The following PPARGC1A variants were observed in gnomAD, a reference collection of about 807,000 sequenced individuals.
PPARGC1A encodes PPARG coactivator 1 alpha, also known as peroxisome proliferator-activated receptor gamma coactivator 1-alpha.
Under a neutral mutation model 88.7 loss-of-function variants are expected in PPARGC1A, and 25 were observed. That is an observed-to-expected ratio of 0.28 (90% CI 0.21 to 0.39). The LOEUF (loss-of-function observed/expected upper bound fraction) is 0.39. PPARGC1A is among the 10% of genes least tolerant of loss of function. The probability of loss-of-function intolerance (pLI) is 1.00; values close to 1 mark genes in which losing one functional copy is unlikely to be tolerated. For missense variants in PPARGC1A, 880 were observed against 968.7 expected, an observed-to-expected ratio of 0.91 and a Z score of 1.22; for synonymous variants, 363 against 355.6, an observed-to-expected ratio of 1.02 and a Z score of -0.24.
chr4:24,233,205 TCCA>T, the PPARGC1A span, among the ~76,000 whole-genome samples: 1 of 152,260 alleles, frequency 6.6e-6, no homozygotes, highest in Non-Finnish European at 1.5e-5. Flanking sequence ...GAGAATTTCC[TCCA>T]CAATTTAAAA....
the PPARGC1A span, among the ~76,000 whole-genome samples, chr4:23,918,218 C>CTT: frequency 1.3e-4 from 20 of 150,048 alleles, no homozygotes; most frequent in East Asian, 3.9e-4. Flanking sequence ...AATTTAAATT[C>CTT]TTTTTTTTTT....
the PPARGC1A span, among the ~76,000 whole-genome samples, chr4:24,067,550 G>A: frequency 8.5e-5 from 13 of 152,180 alleles, no homozygotes; most frequent in Non-Finnish European, 1.8e-4. Context: ...CGCAGATCTG[G>A]AATCACTAAA....
the PPARGC1A span, among the ~76,000 whole-genome samples, chr4:24,034,113 G>A: frequency 6.6e-6 from 1 of 152,244 alleles, no homozygotes; most frequent in South Asian, 2.1e-4. Context: ...CCTAAACAAA[G>A]AAGCCTCATT....
chr4:23,887,752 A>G lies in PPARGC1A; in HGVS notation c.54+2152T>C, dbSNP rs527452278. On this transcript the variant is annotated intron_variant, in intron 1 of 12. Transcript: ENST00000264867. ...TTTGTGCCATTGATGGTAAATTTTAAAGAGAGAGAGAGAAGAAGGAGTGGA... is the reference window on the plus strand; with the variant it reads ...TTTGTGCCATTGATGGTAAATTTTAGAGAGAGAGAGAGAAGAAGGAGTGGA... Among the ~76,000 whole-genome samples the G allele has an allele frequency of 2.0e-5, 3 of 152,140 alleles. No individual in the cohort carries two copies. In the East Asian group the frequency reaches 5.8e-4, roughly 29 times the overall value.
the PPARGC1A span, among the ~76,000 whole-genome samples, chr4:24,275,817 G>A: frequency 6.6e-6 from 1 of 152,148 alleles, no homozygotes; most frequent in Non-Finnish European, 1.5e-5. Flanking sequence ...TTATAAGCAT[G>A]CACTGCCAAT....
the PPARGC1A span, among the ~76,000 whole-genome samples, chr4:24,378,076 C>A: frequency 6.6e-6 from 1 of 152,188 alleles, no homozygotes; most frequent in Non-Finnish European, 1.5e-5. Context: ...GTGGCTCACA[C>A]CTGTAATACC....
chr4:24,023,494 A>G, the PPARGC1A span, among the ~76,000 whole-genome samples: 1 of 152,104 alleles, frequency 6.6e-6, no homozygotes, highest in African/African-American at 2.4e-5. Context: ...TGTTCAGGAC[A>G]CTCCTGTCTG....
the PPARGC1A span, among the ~76,000 whole-genome samples, chr4:23,929,229 T>C: frequency 3.2e-4 from 48 of 152,272 alleles, no homozygotes; most frequent in East Asian, 4.4e-3. Context: ...GGGAGGTACA[T>C]AGAACACCAG....
At chr4:24,194,689 A>T in the PPARGC1A span, among the ~76,000 whole-genome samples, 9 of 151,074 alleles carry the variant, frequency 6.0e-5, no homozygotes, top group Non-Finnish European at 1.3e-4. Flanking sequence ...GAAGTTACTC[A>T]ATTTGCCTCT....
chr4:23,913,265 TATAGAGAGAGAGAGAG>T, the PPARGC1A span, among the ~76,000 whole-genome samples: 136 of 58,762 alleles, frequency 2.3e-3, no homozygotes, highest in African/African-American at 0.011. Context: ...TATATATATA[TATAGAGAGAGAGAGAG>T]AGAGAGAGAG....
the PPARGC1A span, among the ~76,000 whole-genome samples, chr4:24,184,351 T>G: frequency 6.6e-6 from 1 of 152,234 alleles, no homozygotes; most frequent in Non-Finnish European, 1.5e-5. Flanking sequence ...AGCATTAAAC[T>G]AATTTTCTTT....
the PPARGC1A span, among the ~76,000 whole-genome samples, chr4:24,225,461 C>T: frequency 2.0e-5 from 3 of 151,118 alleles, no homozygotes; most frequent in East Asian, 5.9e-4. Flanking sequence ...CCCAGCTACT[C>T]GGGAGGCTGA....
At chr4:24,066,092 T>C in the PPARGC1A span, among the ~76,000 whole-genome samples, 2 of 151,920 alleles carry the variant, frequency 1.3e-5, no homozygotes, top group Admixed American at 6.6e-5. Context: ...TCTCCTTGGG[T>C]GCCTTCAGTC....
At chr4:24,097,030 G>A in the PPARGC1A span, among the ~76,000 whole-genome samples, 1 of 152,110 alleles carries the variant, frequency 6.6e-6, no homozygotes, top group Non-Finnish European at 1.5e-5. Flanking sequence ...AGAATTTGAG[G>A]TCACAGTAAG....
At chr4:24,258,111 G>T in the PPARGC1A span, 1 of 556,592 alleles carries the variant, frequency 1.8e-6, no homozygotes, top group Non-Finnish European at 2.3e-6. Flanking sequence ...GAAACTTGGT[G>T]TTACAGATTT....
In PPARGC1A at chr4:23,814,415, T is replaced by G. The variant is rs1167310711; in HGVS notation, c.1068A>C (p.Ala356=). 2 of 1,613,916 alleles carry G rather than the reference T, an allele frequency of 1.2e-6. No homozygotes were observed. Among genetic ancestry groups the G allele is most frequent in the Admixed American group, 3.3e-5 (2 of 59,990 alleles). ...KKGPEQSELY[A]QLSKSSVLTG... Reference sequence around the variant, plus strand: ...TGAGGACTGAGGACTTGCTGAGTTGTGCATACAACTCGGATTGCTCCGGCC... The same window carrying G: ...TGAGGACTGAGGACTTGCTGAGTTGGGCATACAACTCGGATTGCTCCGGCC... Residue 356 remains alanine (A), a synonymous_variant, in exon 8 of 13, where the codon GCA becomes GCC. Transcript: ENST00000264867.
At chr4:24,300,419 C>T in the PPARGC1A span, among the ~76,000 whole-genome samples, 8 of 124,142 alleles carry the variant, frequency 6.4e-5, no homozygotes, top group Non-Finnish European at 9.5e-5. Context: ...TATATGTGCC[C>T]GGAAGATGAA....
At chr4:23,820,610 C>T (rs1037851514) in intron 7 of PPARGC1A, 1 of 435,120 alleles carries the variant, frequency 2.3e-6, no homozygotes, top group African/African-American at 2.0e-5. Flanking sequence ...TTACTAACAG[C>T]TATTTTGAAA....
At chr4:24,168,725 C>A in the PPARGC1A span, among the ~76,000 whole-genome samples, 1 of 151,968 alleles carries the variant, frequency 6.6e-6, no homozygotes, top group Non-Finnish European at 1.5e-5. Context: ...TCCCAATGGC[C>A]AAAGCCAGAA....
Sources: gnomAD v4.1 joint callset for allele counts (sites outside exome capture counted in the v4.1 genomes callset) on GRCh38, gnomAD v4.1.1 for gene constraint, MANE v1.5 for transcripts, NCBI Gene and HGNC (gene_info 2026-07-23, HGNC 2026-07-21) for gene names.